The following DPP10 variants were observed in gnomAD, a reference collection of about 807,000 sequenced individuals.
The protein encoded by DPP10 is inactive dipeptidyl peptidase 10.
Under a neutral mutation model 120.9 loss-of-function variants are expected in DPP10, and 33 were observed. The ratio of observed to expected loss-of-function variants is 0.27; its 90% confidence interval spans 0.21 to 0.37. The LOEUF is 0.37. DPP10 is among the 10% of genes least tolerant of loss of function. The pLI, the probability that DPP10 is intolerant of heterozygous loss-of-function variation, is 1.00. For missense variants in DPP10, 816 were observed against 942.8 expected (o/e 0.87, Z 1.76); for synonymous variants, 337 against 326.1 (o/e 1.03, Z -0.36).
rs70941039 is a variant in DPP10, at chr2:115,279,655, C to CTTTTTTTTTTTTTT, written c.61-29570_61-29557dup. Among the ~76,000 whole-genome samples, 56 of 42,710 alleles carry CTTTTTTTTTTTTTT rather than the reference C, an allele frequency of 1.3e-3. 3 individuals are homozygous for CTTTTTTTTTTTTTT. Among genetic ancestry groups the CTTTTTTTTTTTTTT allele is most frequent in the Admixed American group, 2.6e-3 (6 of 2,290 alleles). The allele number at this position is 42,710 out of a possible 152,430, so 28.0% of individuals were successfully genotyped here. A position where few individuals can be genotyped will look rare whatever the true frequency, so the allele number is the denominator to read the frequency against. ...TTTCTTTCTTTCTTTTTTTCTTCTT[C>CTTTTTTTTTTTTTT]TTTTTTTTTTTTTTTTTTTTTTTTT... On this transcript the variant is annotated intron_variant, in intron 1 of 25. Transcript: ENST00000410059.
intron 1 of DPP10, among the ~76,000 whole-genome samples, chr2:114,547,062 T>C (rs900674038): frequency 2.6e-5 from 4 of 152,228 alleles, no homozygotes; most frequent in Admixed American, 6.5e-5. Context: ...CACACAGCTG[T>C]GTATCAGCCC....
chr2:115,019,691 A>T (rs1275725865), intron 1 of DPP10, among the ~76,000 whole-genome samples: 11 of 152,232 alleles, frequency 7.2e-5, no homozygotes, highest in Non-Finnish European at 1.5e-4. Flanking sequence ...TTGCAAAAAG[A>T]TCATCACCTA....
intron 5 of DPP10, among the ~76,000 whole-genome samples, chr2:115,566,882 G>T (rs116626252): frequency 0.07 from 10,642 of 152,020 alleles, 461 homozygotes; most frequent in Middle Eastern, 0.15. Flanking sequence ...ATATTACAGG[G>T]TTTAATTTTG....
At chr2:114,646,188 A>AAATG (rs1553475712) in intron 1 of DPP10, among the ~76,000 whole-genome samples, 2 of 151,236 alleles carry the variant, frequency 1.3e-5, no homozygotes, top group African/African-American at 4.9e-5. Flanking sequence ...ATAAATAAAT[A>AAATG]AATAAATAAA....
Position 115,323,305 on chromosome 2 carries a change from A to G in DPP10, c.175+13952A>G, listed in dbSNP as rs184783638. 5.0e-3 allele frequency among the ~76,000 whole-genome samples: 756 copies of G among 152,312 alleles called. 9 individuals are homozygous for G. The highest frequency in any genetic ancestry group is 0.016 in the African/African-American group (683 of 41,584). On this transcript the variant is annotated intron_variant, in intron 2 of 25. Transcript: ENST00000410059. The stretch of plus-strand genomic sequence containing the variant: ...ATAAGAAAAAACTCCTCGTTCATTC[A>G]AGATTTATTTTGAGATTGCAGCAGT...
At chr2:115,335,367 ATTTCT>A (rs1415286372) in intron 2 of DPP10, among the ~76,000 whole-genome samples, 1 of 151,944 alleles carries the variant, frequency 6.6e-6, no homozygotes, top group Non-Finnish European at 1.5e-5. Context: ...AAAACTGTAA[ATTTCT>A]TAAGGAGGAA....
chr2:114,907,683 T>C (rs762863468), intron 1 of DPP10, among the ~76,000 whole-genome samples: 6 of 152,112 alleles, frequency 3.9e-5, no homozygotes, highest in Non-Finnish European at 7.4e-5. Context: ...TTTATAAGAA[T>C]TTTTTCAGGC....
intron 1 of DPP10, among the ~76,000 whole-genome samples, chr2:114,633,248 C>CTTTTTTTTTT (rs35372708): frequency 1.2e-4 from 9 of 72,806 alleles, no homozygotes; most frequent in Admixed American, 1.7e-4. Flanking sequence ...GTTTTTCTTT[C>CTTTTTTTTTT]TTTTTTTTTT....
chr2:115,766,387 A>G (rs1409305651), intron 12 of DPP10, among the ~76,000 whole-genome samples: 1 of 145,776 alleles, frequency 6.9e-6, no homozygotes, highest in South Asian at 2.2e-4. Context: ...CCCCACCATT[A>G]AAAGTAATGG....
chr2:115,474,745 C>T (rs1490565198), intron 3 of DPP10, among the ~76,000 whole-genome samples: 1 of 149,068 alleles, frequency 6.7e-6, no homozygotes, highest in Non-Finnish European at 1.5e-5. Context: ...AAAAAAAAAG[C>T]CCATTTAACA....
intron 1 of DPP10, among the ~76,000 whole-genome samples, chr2:115,304,074 A>T (rs557307884): frequency 1.3e-5 from 2 of 152,154 alleles, no homozygotes; most frequent in African/African-American, 4.8e-5. Flanking sequence ...ACTATTTCAA[A>T]CCTTTCCATA....
chr2:115,779,975 C>A (rs1188067776), intron 15 of DPP10, among the ~76,000 whole-genome samples: 2 of 151,888 alleles, frequency 1.3e-5, no homozygotes, highest in African/African-American at 4.8e-5. Flanking sequence ...CTGTTCCAAT[C>A]CCCATACCTA....
At chr2:114,508,731 T>C (rs902515464) in intron 1 of DPP10, among the ~76,000 whole-genome samples, 3 of 152,006 alleles carry the variant, frequency 2.0e-5, no homozygotes, top group Non-Finnish European at 4.4e-5. Flanking sequence ...GCCTGTTTCC[T>C]CCTCTCAGAG....
intron 3 of DPP10, among the ~76,000 whole-genome samples, chr2:115,450,105 G>A (rs968654055): frequency 9.2e-5 from 14 of 151,860 alleles, no homozygotes; most frequent in African/African-American, 3.4e-4. Context: ...CCCATCATAA[G>A]TTGAGAATAT....
chr2:115,654,398 T>C lies in DPP10; in HGVS notation c.442-35289T>C, dbSNP rs574035073. Reference sequence around the variant, plus strand: ...CCTTATTAAAATACTGGAATGTCAATAGATACAGGTATTGAATAAAACTAA... The same window carrying C: ...CCTTATTAAAATACTGGAATGTCAACAGATACAGGTATTGAATAAAACTAA... On this transcript the variant is annotated intron_variant, in intron 5 of 25. Coordinates refer to ENST00000410059, the MANE Select transcript of DPP10 (RefSeq NM_020868.6). Among the ~76,000 whole-genome samples, 26 of 151,990 alleles carry C rather than the reference T, an allele frequency of 1.7e-4. No individual in the cohort carries two copies. In the East Asian group the frequency reaches 1.9e-3, roughly 11 times the overall value.
intron 10 of DPP10, 148 bp downstream of exon 10, chr2:115,746,331 C>A: frequency 1.4e-6 from 1 of 719,912 alleles, no homozygotes; most frequent in South Asian, 1.7e-5. Flanking sequence ...GGAATGAAGT[C>A]ATTCTCGGTC....
chr2:114,710,907 A>T (rs1188614903), intron 1 of DPP10, among the ~76,000 whole-genome samples: 2 of 152,196 alleles, frequency 1.3e-5, no homozygotes, highest in Non-Finnish European at 2.9e-5. Context: ...ACTGCTTTCG[A>T]CTAAGATAGA....
intron 1 of DPP10, among the ~76,000 whole-genome samples, chr2:114,670,290 A>G (rs1290260851): frequency 6.6e-6 from 1 of 152,180 alleles, no homozygotes; most frequent in Non-Finnish European, 1.5e-5. Flanking sequence ...ACAGTGATAG[A>G]CAATGATAGA....
intron 1 of DPP10, among the ~76,000 whole-genome samples, chr2:114,839,813 G>GA (rs751650572): frequency 6.6e-6 from 1 of 151,978 alleles, no homozygotes; most frequent in African/African-American, 2.4e-5. Context: ...ATATTTCAAA[G>GA]AAAAAATGTA....
Sources: gnomAD v4.1 joint callset for allele counts (sites outside exome capture counted in the v4.1 genomes callset) on GRCh38, gnomAD v4.1.1 for gene constraint, MANE v1.5 for transcripts, NCBI Gene and HGNC (gene_info 2026-07-23, HGNC 2026-07-21) for gene names.